Variants in ADAMTS20 observed in about 807,000 individuals in gnomAD.
ADAMTS20 encodes the protein A disintegrin and metalloproteinase with thrombospondin motifs 20.
In ADAMTS20, 225 loss-of-function variants were observed where a neutral mutation model predicts 260.1. The ratio of observed to expected loss-of-function variants is 0.87; its 90% confidence interval spans 0.78 to 0.97. ADAMTS20 has a LOEUF of 0.97. ADAMTS20 is among the 50% of genes least tolerant of loss of function. The pLI is 0.00. For missense variants in ADAMTS20, 2,400 were observed against 2,337.7 expected, an observed-to-expected ratio of 1.03 and a Z score of -0.55; for synonymous variants, 802 against 769.5, an observed-to-expected ratio of 1.04 and a Z score of -0.70.
intron 28 of ADAMTS20, among the ~76,000 whole-genome samples, chr12:43,401,893 C>T (rs567870804): frequency 3.1e-4 from 47 of 151,966 alleles, no homozygotes; most frequent in African/African-American, 1.1e-3. Context: ...AACCTTTGCT[C>T]TCTTTAAGTA....
Position 43,425,679 on chromosome 12 carries a change from T to C in ADAMTS20, c.4119A>G (p.Thr1373=). The change falls in exon 28 of 39, where the codon ACA becomes ACG. Residue 1373 remains threonine, a synonymous_variant. Transcript: ENST00000389420. The stretch of plus-strand genomic sequence containing the variant: ...GTCTTGATTTTATTCCTCCTCCACA[T>C]GTTTGTGAACACTAAAAACAAGAAT... ...NYGNWGECSQ[T]CGGGIKSRLV... is the part of the protein sequence containing the mutation. The C allele has an allele frequency of 6.3e-7, 1 of 1,594,216 alleles. No individual in the cohort carries two copies. Among genetic ancestry groups the C allele is most frequent in the Non-Finnish European group, 8.6e-7 (1 of 1,166,866 alleles).
At chr12:43,519,124 T>A (rs552267639) in intron 3 of ADAMTS20, among the ~76,000 whole-genome samples, 1 of 152,142 alleles carries the variant, frequency 6.6e-6, no homozygotes, top group Non-Finnish European at 1.5e-5. Context: ...TGACAGTAGC[T>A]TCCACTGTTA....
rs1939687668 is a variant in ADAMTS20 at position 43,353,923 on chromosome 12, A to G, written c.*286T>C. ...TCCAGGCCAAGATGTTAAGAGCAAC[A>G]CTGTCTTGGTATAATTCATTCAATC... On this transcript the variant is annotated 3_prime_UTR_variant, in exon 39 of 39. Coordinates refer to ENST00000389420, the MANE Select transcript of ADAMTS20 (RefSeq NM_025003.5). The G allele has an allele frequency of 9.0e-6, 2 of 221,962 alleles. No homozygotes were observed. Among genetic ancestry groups the G allele is most frequent in the South Asian group, 2.1e-4 (2 of 9,628 alleles). The allele number at this position is 221,962 out of a possible 1,614,324, so 13.7% of individuals were successfully genotyped here.
intron 4 of ADAMTS20, 34 bp from the exon 5 acceptor site, chr12:43,493,287 A>T: frequency 7.1e-7 from 1 of 1,400,894 alleles, no homozygotes; most frequent in Non-Finnish European, 9.8e-7. Context: ...TTAGTTGTTT[A>T]AAATGAATAT....
In ADAMTS20 at chr12:43,452,430, C is replaced by T; in HGVS notation, c.1943-20G>A. ...TGCCAACTGTAAAAAAGAAAAAGGTCAAATTTTTAATGTATAATAATAAAG... is the reference window on the plus strand; with the variant it reads ...TGCCAACTGTAAAAAAGAAAAAGGTTAAATTTTTAATGTATAATAATAAAG... On this transcript the variant is annotated intron_variant, in intron 13 of 38. Transcript: ENST00000389420. 1 of 1,605,238 alleles carries T rather than the reference C, an allele frequency of 6.2e-7. No individual in the cohort carries two copies. The highest frequency in any genetic ancestry group is 8.5e-7 in the Non-Finnish European group (1 of 1,177,464).
At chr12:43,468,576 A>T in intron 8 of ADAMTS20, 24 bp downstream of exon 8, 1 of 1,369,754 alleles carries the variant, frequency 7.3e-7, no homozygotes, top group Non-Finnish European at 1.0e-6. Flanking sequence ...AATGCACATT[A>T]AGGAGGTGAC....
intron 7 of ADAMTS20, among the ~76,000 whole-genome samples, chr12:43,481,508 T>G (rs1000310143): frequency 6.6e-6 from 1 of 152,146 alleles, no homozygotes; most frequent in Non-Finnish European, 1.5e-5. Flanking sequence ...AAAAGAGTTA[T>G]AAGGATTAAA....
chr12:43,551,731 G>C lies in ADAMTS20; in HGVS notation c.91+100C>G, dbSNP rs1267092118. 8 of 1,251,020 alleles carry C rather than the reference G, an allele frequency of 6.4e-6. No individual in the cohort carries two copies. Among genetic ancestry groups the C allele is most frequent in the Non-Finnish European group, 9.2e-6 (8 of 873,690 alleles). The allele number at this position is 1,251,020 out of a possible 1,614,324, so 77.5% of individuals were successfully genotyped here. A position where few individuals can be genotyped will look rare whatever the true frequency, so the allele number is the denominator to read the frequency against. On this transcript the variant is annotated intron_variant, in intron 1 of 38. Coordinates refer to ENST00000389420, the MANE Select transcript of ADAMTS20 (RefSeq NM_025003.5). The surrounding 1 kb of genome is among the most constrained non-coding windows in gnomAD (Gnocchi z 4.6). Reference sequence around the variant, plus strand: ...TCCCGGGAGCTCCAGCAGGGCCAGCGTTCCCCAACGGGCTGAGCCGCTCGT... The same window carrying C: ...TCCCGGGAGCTCCAGCAGGGCCAGCCTTCCCCAACGGGCTGAGCCGCTCGT...
In ADAMTS20 at chr12:43,492,635, C is replaced by A. The variant is rs1219003255; in HGVS notation, c.952-6G>T. On this transcript the variant is annotated splice_polypyrimidine_tract_variant and splice_region_variant and intron_variant, in intron 5 of 38. Coordinates refer to ENST00000389420, the MANE Select transcript of ADAMTS20 (RefSeq NM_025003.5). ...AAATTAATGACTGGTCCTTCCTATG[C>A]AAAATAAGCAATGCAATACTATGTC... The A allele has an allele frequency of 1.2e-6, 2 of 1,612,962 alleles. No individual in the cohort carries two copies. The highest frequency in any genetic ancestry group is 2.2e-5 in the South Asian group (2 of 90,900).
rs142769218 is a variant in ADAMTS20 at position 43,518,235 on chromosome 12, T to C, written c.613+13801A>G. ...ACCTAAGTTTTATAAGTTTTACTTA[T>C]GCAAATATTCTCAAGCACATTCCAA... On this transcript the variant is annotated intron_variant, in intron 3 of 38. Transcript: ENST00000389420. 5.4e-3 allele frequency among the ~76,000 whole-genome samples: 824 copies of C among 152,254 alleles called. 7 individuals carry two copies. Among genetic ancestry groups the C allele is most frequent in the African/African-American group, 0.018 (746 of 41,578 alleles).
At position 43,472,461 on chromosome 12, in the gene ADAMTS20, G is replaced by A. The variant is rs1269513726; in HGVS notation, c.1118-3756C>T. 3.8e-5 allele frequency among the ~76,000 whole-genome samples: 5 copies of A among 133,012 alleles called. No homozygotes were observed. The East Asian group carries it at 6.9e-4, about 18-fold the overall frequency. The allele number at this position is 133,012 out of a possible 152,430, so 87.3% of individuals were successfully genotyped here. A position where few individuals can be genotyped will look rare whatever the true frequency, so the allele number is the denominator to read the frequency against. On this transcript the variant is annotated intron_variant, in intron 7 of 38. Coordinates refer to ENST00000389420, the MANE Select transcript of ADAMTS20 (RefSeq NM_025003.5). The stretch of plus-strand genomic sequence containing the variant: ...CCCCAATCTAGCAAGGCAGGCCAAC[G>A]TTCAGATTCAGGAAATACAGAGAAC...
intron 2 of ADAMTS20, among the ~76,000 whole-genome samples, chr12:43,542,215 T>A (rs1166655768): frequency 6.6e-6 from 1 of 152,160 alleles, no homozygotes; most frequent in African/African-American, 2.4e-5. Context: ...CTCCAAAATA[T>A]CCGTGAAAAT....
chr12:43,528,517 C>A (rs1292008956), intron 3 of ADAMTS20, among the ~76,000 whole-genome samples: 3 of 151,890 alleles, frequency 2.0e-5, no homozygotes, highest in Non-Finnish European at 2.9e-5. Context: ...CAAATACTTA[C>A]AACTAACTGA....
At chr12:43,423,921 C>T (rs1388474272) in intron 28 of ADAMTS20, 3 of 715,906 alleles carry the variant, frequency 4.2e-6, no homozygotes, top group Non-Finnish European at 7.7e-6. Flanking sequence ...ACTTTAAGAT[C>T]CTCCTATAAA....
chr12:43,456,479 G>A (rs573921432), intron 11 of ADAMTS20, among the ~76,000 whole-genome samples: 3 of 152,020 alleles, frequency 2.0e-5, no homozygotes, highest in East Asian at 1.9e-4. Flanking sequence ...TCATAACCCC[G>A]CCCCATGAGG....
chr12:43,530,080 T>C (rs1245435262), intron 3 of ADAMTS20, among the ~76,000 whole-genome samples: 3 of 152,060 alleles, frequency 2.0e-5, no homozygotes, highest in African/African-American at 7.2e-5. Context: ...GTAGAAAAAA[T>C]GTATTTTATG....
At chr12:43,431,527 T>G (rs746583938) in intron 21 of ADAMTS20, 31 bp from the exon 22 acceptor site, 6 of 1,612,520 alleles carry the variant, frequency 3.7e-6, no homozygotes, top group Non-Finnish European at 5.1e-6. Context: ...ATTATTTATT[T>G]GCAGCATTAG....
chr12:43,369,411 A>T, intron 36 of ADAMTS20, 30 bp from the exon 37 acceptor site: 1 of 1,339,488 alleles, frequency 7.5e-7, no homozygotes, highest in Non-Finnish European at 1.0e-6. Flanking sequence ...ACTCTTTAGC[A>T]TGGAGACAAT....
chr12:43,417,016 T>C (rs1941145580), intron 28 of ADAMTS20, among the ~76,000 whole-genome samples: 1 of 152,204 alleles, frequency 6.6e-6, no homozygotes, highest in South Asian at 2.1e-4. Context: ...TGGCTTGTTA[T>C]AGTTATTTGC....
Sources: allele counts gnomAD v4.1 joint callset (sites outside exome capture counted in the v4.1 genomes callset), GRCh38; gene constraint gnomAD v4.1.1; non-coding constraint Gnocchi (gnomAD v3.1); transcripts MANE v1.5; gene names NCBI Gene and HGNC (gene_info 2026-07-23, HGNC 2026-07-21).